DDAH1: variants seen among roughly 807,000 people sequenced by gnomAD.
DDAH1 encodes N(G),N(G)-dimethylarginine dimethylaminohydrolase 1.
A neutral mutation model predicts 28.8 loss-of-function variants in DDAH1; 19 were observed. The ratio of observed to expected loss-of-function variants is 0.66; its 90% CI spans 0.46 to 0.97. DDAH1 has a LOEUF of 0.97. Among genes scored for constraint, DDAH1 ranks in the 50% least tolerant of loss-of-function variants. DDAH1 has a pLI of 0.00. For synonymous variants in DDAH1, 153 were observed against 154.4 expected, an observed-to-expected ratio of 0.99 and a Z score of 0.07; for missense variants, 326 against 375.9, an observed-to-expected ratio of 0.87 and a Z score of 1.10.
chr1:85,508,848 TCAA>T (rs1657121679), intron 1 of DDAH1, among the ~76,000 whole-genome samples: 1 of 152,146 alleles, frequency 6.6e-6, no homozygotes, highest in South Asian at 2.1e-4. Context: ...CCACTGCAGC[TCAA>T]CAAGGCCTAC....
At chr1:85,542,101 G>GA (rs1658487595) in intron 1 of DDAH1, among the ~76,000 whole-genome samples, 1 of 152,108 alleles carries the variant, frequency 6.6e-6, no homozygotes, top group Admixed American at 6.6e-5. Context: ...GAGAATTATT[G>GA]AAAAATCCTT....
At chr1:85,533,215 C>A (rs1658152743) in intron 1 of DDAH1, among the ~76,000 whole-genome samples, 1 of 152,230 alleles carries the variant, frequency 6.6e-6, no homozygotes, top group Admixed American at 6.5e-5. Flanking sequence ...GAGGGAAAAT[C>A]TCTTTATATA....
upstream of DDAH1, among the ~76,000 whole-genome samples, chr1:85,466,038 G>A (rs1401054991): frequency 6.6e-6 from 1 of 152,200 alleles, no homozygotes; most frequent in Non-Finnish European, 1.5e-5. Flanking sequence ...CTAGGGCCAA[G>A]GCCCAGGCTA....
At chr1:85,503,574 T>C (rs368425887) in intron 1 of DDAH1, among the ~76,000 whole-genome samples, 3 of 143,090 alleles carry the variant, frequency 2.1e-5, no homozygotes, top group Non-Finnish European at 3.1e-5. Context: ...TCTATCCATC[T>C]ATCTATCCAT....
At chr1:85,572,012 C>G (rs1659471564) in intron 1 of DDAH1, among the ~76,000 whole-genome samples, 1 of 152,100 alleles carries the variant, frequency 6.6e-6, no homozygotes, top group Non-Finnish European at 1.5e-5. Flanking sequence ...CTTAGTAACT[C>G]TGTTGTGAGG....
intron 2 of DDAH1, among the ~76,000 whole-genome samples, chr1:85,354,923 G>A (rs1649413868): frequency 6.6e-6 from 1 of 151,804 alleles, no homozygotes; most frequent in Admixed American, 6.6e-5. Context: ...GAAATGTGAA[G>A]GAAGGAAATA....
At chr1:85,426,921 C>CAAAAAAAAAA (rs10680800) in intron 1 of DDAH1, among the ~76,000 whole-genome samples, 8 of 120,422 alleles carry the variant, frequency 6.6e-5, no homozygotes, top group Non-Finnish European at 9.9e-5. Flanking sequence ...TTAAAAAAAA[C>CAAAAAAAAAA]AAAAAAAAAA....
intron 1 of DDAH1, among the ~76,000 whole-genome samples, chr1:85,568,706 C>A (rs1019910502): frequency 2.0e-5 from 3 of 152,032 alleles, no homozygotes; most frequent in Non-Finnish European, 4.4e-5. Context: ...TTAAAGGATC[C>A]TCAAGTCTTT....
chr1:85,364,787 G>A (rs562834695), intron 1 of DDAH1, among the ~76,000 whole-genome samples: 3 of 152,076 alleles, frequency 2.0e-5, no homozygotes, highest in Non-Finnish European at 1.5e-5. Flanking sequence ...TAGGTGTTCC[G>A]CCTGTCTCAG....
At chr1:85,489,883 A>T (rs1179745875) in intron 2 of DDAH1, among the ~76,000 whole-genome samples, 3 of 152,196 alleles carry the variant, frequency 2.0e-5, no homozygotes, top group African/African-American at 7.2e-5. Flanking sequence ...ATTAAAAAAT[A>T]TTTTATATTG....
chr1:85,532,840 C>T (rs1424353798), intron 1 of DDAH1, among the ~76,000 whole-genome samples: 56 of 152,250 alleles, frequency 3.7e-4, no homozygotes, highest in Non-Finnish European at 6.6e-4. Flanking sequence ...ACCAAATGGG[C>T]ATCCTTGGGG....
chr1:85,462,465 T>C (rs1233813571), intron 1 of DDAH1, among the ~76,000 whole-genome samples: 1 of 152,176 alleles, frequency 6.6e-6, no homozygotes, highest in Non-Finnish European at 1.5e-5. Flanking sequence ...CAGAGATCAG[T>C]GACAATAATT....
chr1:85,445,731 T>C (rs996838025), intron 1 of DDAH1, among the ~76,000 whole-genome samples: 1 of 152,172 alleles, frequency 6.6e-6, no homozygotes, highest in African/African-American at 2.4e-5. Flanking sequence ...CTCAGCCTCC[T>C]GAATAGCTGG....
chr1:85,461,564 T>C (rs934626066), intron 1 of DDAH1, among the ~76,000 whole-genome samples: 1 of 152,166 alleles, frequency 6.6e-6, no homozygotes, highest in Non-Finnish European at 1.5e-5. Flanking sequence ...ACGTTCATAA[T>C]AGAACTTTTG....
intron 1 of DDAH1, among the ~76,000 whole-genome samples, chr1:85,514,321 G>A (rs1431797911): frequency 6.6e-6 from 1 of 152,064 alleles, no homozygotes; most frequent in African/African-American, 2.4e-5. Context: ...ACTCATAGGT[G>A]GGAATTGAAC....
intron 5 of DDAH1, among the ~76,000 whole-genome samples, 161 bp downstream of exon 5, chr1:85,324,579 G>C (rs1226846593): frequency 3.9e-5 from 6 of 152,066 alleles, no homozygotes; most frequent in African/African-American, 1.4e-4. Flanking sequence ...AATGAGAAAA[G>C]TGAAACACAT....
At chr1:85,370,304 GC>G (rs1407412467) in intron 1 of DDAH1, among the ~76,000 whole-genome samples, 1 of 152,202 alleles carries the variant, frequency 6.6e-6, no homozygotes, top group Non-Finnish European at 1.5e-5. Flanking sequence ...CAGACTGCTA[GC>G]CTCCAGCATT....
chr1:85,559,522 C>A (rs528259968), intron 1 of DDAH1, among the ~76,000 whole-genome samples: 113 of 152,052 alleles, frequency 7.4e-4, no homozygotes, highest in African/African-American at 2.7e-3. Context: ...TCAATAGAAG[C>A]AAACTTAGAA....
At chr1:85,511,837 T>C (rs144044665) in intron 1 of DDAH1, among the ~76,000 whole-genome samples, 20,668 of 152,212 alleles carry the variant, frequency 0.14, 1,474 homozygotes, top group Non-Finnish European at 0.16. Flanking sequence ...TAACAGGTTC[T>C]GAAATTGAGG....
Sources: gnomAD v4.1 joint callset for allele counts (sites outside exome capture counted in the v4.1 genomes callset) on GRCh38, gnomAD v4.1.1 for gene constraint, MANE v1.5 for transcripts, NCBI Gene and HGNC (gene_info 2026-07-23, HGNC 2026-07-21) for gene names.